The following COL5A2 variants were observed in gnomAD, a reference collection of about 807,000 sequenced individuals.
COL5A2 encodes the protein collagen alpha-2(V) chain.
COL5A2 carries 23 observed loss-of-function variants against 208.2 expected under a neutral mutation model. That is an observed-to-expected ratio of 0.11 (90% CI 0.08 to 0.16). COL5A2 has a LOEUF of 0.16. Among genes scored for constraint, COL5A2 ranks in the 10% least tolerant of loss-of-function variants. The pLI, the probability that COL5A2 is intolerant of heterozygous loss-of-function variation, is 1.00. For synonymous variants in COL5A2, 625 were observed against 628.5 expected (o/e 0.99, Z 0.08); for missense variants, 1,590 against 1,956.4 (o/e 0.81, Z 3.53).
At chr2:189,107,650 A>G (rs936765092) in intron 2 of COL5A2, among the ~76,000 whole-genome samples, 1 of 151,558 alleles carries the variant, frequency 6.6e-6, no homozygotes, top group African/African-American at 2.4e-5. Context: ...TTATTTATAT[A>G]AGCATAGAAC....
the COL5A2 span, among the ~76,000 whole-genome samples, chr2:189,357,371 T>C: frequency 6.6e-6 from 1 of 152,118 alleles, no homozygotes; most frequent in African/African-American, 2.4e-5. Flanking sequence ...CTCAGGGAGA[T>C]GGGGGTTTTA....
At chr2:189,280,116 C>G in the COL5A2 span, among the ~76,000 whole-genome samples, 4 of 152,088 alleles carry the variant, frequency 2.6e-5, no homozygotes, top group East Asian at 7.7e-4. Flanking sequence ...TCTTGTACTT[C>G]CCAACCTCCA....
At chr2:189,374,720 A>T in the COL5A2 span, among the ~76,000 whole-genome samples, 1 of 152,204 alleles carries the variant, frequency 6.6e-6, no homozygotes. Flanking sequence ...ATCTTACTGT[A>T]ACATGTATTC....
the COL5A2 span, among the ~76,000 whole-genome samples, chr2:189,292,465 A>G: frequency 6.6e-6 from 1 of 152,208 alleles, no homozygotes; most frequent in African/African-American, 2.4e-5. Context: ...ACACTTCTCA[A>G]AAGAAGACAT....
chr2:189,440,722 G>C, the COL5A2 span, among the ~76,000 whole-genome samples: 129,524 of 151,764 alleles, frequency 0.85, 56,414 homozygotes, highest in Non-Finnish European at 0.95. Context: ...TAAACATGTT[G>C]AGATTTTAGG....
intron 35 of COL5A2, among the ~76,000 whole-genome samples, chr2:189,054,729 C>T (rs1374381869): frequency 7.9e-6 from 1 of 126,870 alleles, no homozygotes; most frequent in Admixed American, 8.9e-5. Context: ...GGTCTCCACT[C>T]TACATTGCCC....
chr2:189,132,043 C>G (rs918241089), intron 1 of COL5A2, among the ~76,000 whole-genome samples: 2 of 152,104 alleles, frequency 1.3e-5, no homozygotes, highest in African/African-American at 4.8e-5. Flanking sequence ...CACTGAGGTT[C>G]ATATTTTGAT....
intron 1 of COL5A2, among the ~76,000 whole-genome samples, chr2:189,113,301 T>A (rs912058380): frequency 6.6e-6 from 1 of 152,056 alleles, no homozygotes; most frequent in Non-Finnish European, 1.5e-5. Flanking sequence ...CAGTGGCTTG[T>A]GCCTGTAGCT....
chr2:189,208,911 G>A (rs929112984), intron 1 of COL5A2, among the ~76,000 whole-genome samples: 2 of 152,144 alleles, frequency 1.3e-5, no homozygotes, highest in Admixed American at 6.5e-5. Flanking sequence ...TCTCCTGTTT[G>A]CTTTGTATTT....
At position 189,047,111 on chromosome 2, in the gene COL5A2, ACT is replaced by A. The variant is rs1685686209; in HGVS notation, c.3201+1096_3201+1097del. ...CACTCCAGCCTGGCAACAGAGCAAG[ACT>A]CTGTCTCAAAAAAAAAAAAAAAAAT... On this transcript the variant is annotated intron_variant, in intron 45 of 53. Coordinates refer to ENST00000374866, the MANE Select transcript of COL5A2 (RefSeq NM_000393.5). Among the ~76,000 whole-genome samples, 3 of 145,758 alleles carry A rather than the reference ACT, an allele frequency of 2.1e-5. No individual in the cohort carries two copies. The Admixed American group carries it at 2.1e-4, about 10-fold the overall frequency.
chr2:189,425,315 GA>G, the COL5A2 span, among the ~76,000 whole-genome samples: 1 of 152,072 alleles, frequency 6.6e-6, no homozygotes, highest in Non-Finnish European at 1.5e-5. Context: ...ATAAAAAAAT[GA>G]AACTATTATA....
intron 1 of COL5A2, among the ~76,000 whole-genome samples, chr2:189,219,789 A>G (rs1219937952): frequency 1.3e-5 from 2 of 152,146 alleles, no homozygotes; most frequent in African/African-American, 4.8e-5. Context: ...CTACCGTGTA[A>G]GCCTGACATA....
chr2:189,265,977 A>G, the COL5A2 span, among the ~76,000 whole-genome samples: 1 of 152,120 alleles, frequency 6.6e-6, no homozygotes, highest in African/African-American at 2.4e-5. Flanking sequence ...AAATAAATGA[A>G]AACATACGTT....
intron 1 of COL5A2, among the ~76,000 whole-genome samples, chr2:189,187,322 G>C (rs1688864936): frequency 6.6e-6 from 1 of 152,158 alleles, no homozygotes; most frequent in African/African-American, 2.4e-5. Flanking sequence ...ACTGTACCTT[G>C]ATAATTAAAC....
intron 50 of COL5A2, among the ~76,000 whole-genome samples, chr2:189,040,426 A>G (rs1559074219): frequency 6.7e-6 from 1 of 149,978 alleles, no homozygotes; most frequent in South Asian, 2.1e-4. Flanking sequence ...GATCCTCTCT[A>G]TTAATTCCCT....
chr2:189,366,621 ATGTGGGTGTGCT>A, the COL5A2 span, among the ~76,000 whole-genome samples: 228 of 152,330 alleles, frequency 1.5e-3, 1 homozygote, highest in East Asian at 0.018. Flanking sequence ...GCATGTGTGC[ATGTGGGTGTGCT>A]TGTGGGTGTG....
chr2:189,076,964 A>G (rs1355120539), intron 16 of COL5A2, among the ~76,000 whole-genome samples: 1 of 152,120 alleles, frequency 6.6e-6, no homozygotes, highest in Non-Finnish European at 1.5e-5. Context: ...AGTCCCAGCT[A>G]TTTGGGTGAG....
the COL5A2 span, among the ~76,000 whole-genome samples, chr2:189,236,985 T>C: frequency 6.5e-3 from 988 of 151,912 alleles, 13 homozygotes; most frequent in African/African-American, 0.022. Flanking sequence ...CTAAATGCCA[T>C]ACTTCATTAC....
chr2:189,063,021 G>T lies in COL5A2; in HGVS notation c.1912C>A (p.Pro638Thr). 6.2e-7 allele frequency: 1 copy of T among 1,614,098 alleles called. No individual in the cohort carries two copies. Residue 638 changes from proline (P) to threonine (T), a missense_variant, in exon 28 of 54, where the codon CCT becomes ACT. Transcript: ENST00000374866. ...KPGEAGNAGV[P>T]GQRGAPGKDG... ...AAATGTATATTTACCCTCTGCCCAG[G>T]AACTCCAGCATTTCCTGCTTCTCCA...
Sources: allele counts gnomAD v4.1 joint callset (sites outside exome capture counted in the v4.1 genomes callset), GRCh38; gene constraint gnomAD v4.1.1; transcripts MANE v1.5; gene names NCBI Gene and HGNC (gene_info 2026-07-23, HGNC 2026-07-21).